The following MEF2C variants were observed in gnomAD, a reference collection of about 807,000 sequenced individuals.
The protein encoded by MEF2C is myocyte enhancer factor 2C, also known as myocyte-specific enhancer factor 2C.
A neutral mutation model predicts 50.5 loss-of-function variants in MEF2C; 6 were observed. The ratio of observed to expected loss-of-function variants is 0.12; its 90% CI spans 0.07 to 0.23. MEF2C has a LOEUF of 0.23. MEF2C is among the 10% of genes least tolerant of loss of function. The probability of loss-of-function intolerance (pLI) is 1.00; values close to 1 mark genes in which losing one functional copy is unlikely to be tolerated. For missense variants in MEF2C, 276 were observed against 605.0 expected (o/e 0.46, Z 5.70); for synonymous variants, 183 against 228.0 (o/e 0.80, Z 1.78).
At chr5:88,735,315 CA>C (rs2152333770) in intron 6 of MEF2C, 1 of 985,364 alleles carries the variant, frequency 1.0e-6, no homozygotes, top group African/African-American at 1.7e-5. Flanking sequence ...CACCACCTCT[CA>C]ACAACCTTCT....
rs75771070 is a variant in MEF2C at position 88,872,895 on chromosome 5, A to G, written c.-143+10060T>C. On this transcript the variant is annotated intron_variant, in intron 1 of 10. Transcript: ENST00000504921. The stretch of plus-strand genomic sequence containing the variant: ...ATGGACATGTTTGTCTAATAGCATA[A>G]TATGTAGAATCAAAGAAATGATATT... Among the ~76,000 whole-genome samples, 22 of 152,108 alleles carry G rather than the reference A, an allele frequency of 1.4e-4. No homozygotes were observed. In the East Asian group the frequency reaches 4.3e-3, roughly 29 times the overall value.
intron 3 of MEF2C, among the ~76,000 whole-genome samples, chr5:88,802,398 C>T (rs1365252511): frequency 2.0e-5 from 3 of 152,124 alleles, no homozygotes; most frequent in Non-Finnish European, 4.4e-5. Flanking sequence ...AAATATCCAC[C>T]TATCAAAAAA....
At chr5:88,734,135 G>A (rs1386924812) in intron 6 of MEF2C, 1 of 984,024 alleles carries the variant, frequency 1.0e-6, no homozygotes, top group Non-Finnish European at 1.2e-6. Context: ...AATCATTATT[G>A]TGAATATGTT....
rs35398049 is a variant in MEF2C, at chr5:88,762,583, A to ATT, written c.259-1257_259-1256dup. Among the ~76,000 whole-genome samples the ATT allele has an allele frequency of 3.5e-4, 53 of 151,244 alleles. No individual in the cohort carries two copies. In the South Asian group the frequency reaches 6.7e-3, roughly 19 times the overall value. ...CAACCTGGCCTGCTTTATTATTATT[A>ATT]TTTTTTTTTACTAACGGTTGTCAAC... On this transcript the variant is annotated intron_variant, in intron 3 of 10. Transcript: ENST00000504921.
intron 1 of MEF2C, among the ~76,000 whole-genome samples, chr5:88,843,140 C>A (rs1817964730): frequency 6.6e-6 from 1 of 150,932 alleles, no homozygotes; most frequent in Admixed American, 6.6e-5. Flanking sequence ...TAACGTTTTT[C>A]CTATCTCATT....
At chr5:88,738,665 T>C in intron 6 of MEF2C, 1 of 985,278 alleles carries the variant, frequency 1.0e-6, no homozygotes, top group Non-Finnish European at 1.2e-6. Flanking sequence ...CGAGTCTCAT[T>C]TGCAAATTAT....
intron 2 of MEF2C, among the ~76,000 whole-genome samples, chr5:88,820,230 T>C (rs1807611582): frequency 6.6e-6 from 1 of 151,960 alleles, no homozygotes; most frequent in African/African-American, 2.4e-5. Context: ...AAGAAAGAAA[T>C]AGTTTTTGTA....
At chr5:88,733,079 G>A (rs1167909063) in intron 6 of MEF2C, 20 of 985,100 alleles carry the variant, frequency 2.0e-5, no homozygotes, top group African/African-American at 3.5e-5. Flanking sequence ...ACAAGGCAGC[G>A]TAGGGTGAGG....
In MEF2C at chr5:88,903,022, A is replaced by G. The variant is rs1411276816; in HGVS notation, c.-240+894T>C. On this transcript the variant is annotated intron_variant, in intron 1 of 11. Coordinates refer to the MEF2C transcript ENST00000340208. ...AACAATTTGTAGAGAAATGCTGTGAAGCATAGTTAAAAGAATGAATCCCTG... is the reference window on the plus strand; with the variant it reads ...AACAATTTGTAGAGAAATGCTGTGAGGCATAGTTAAAAGAATGAATCCCTG... Among the ~76,000 whole-genome samples, 16 of 152,122 alleles carry G rather than the reference A, an allele frequency of 1.1e-4. No individual in the cohort carries two copies. The East Asian group carries it at 3.1e-3, about 29-fold the overall frequency.
chr5:88,777,694 T>TA (rs542158077), intron 3 of MEF2C, among the ~76,000 whole-genome samples: 1 of 152,158 alleles, frequency 6.6e-6, no homozygotes, highest in African/African-American at 2.4e-5. Flanking sequence ...CATTTTCTGA[T>TA]AAAAAATATT....
intron 1 of MEF2C, among the ~76,000 whole-genome samples, chr5:88,829,961 G>C (rs1051042148): frequency 6.6e-6 from 1 of 152,064 alleles, no homozygotes; most frequent in South Asian, 2.1e-4. Context: ...GATTGCTTCC[G>C]TTTGAAGGCA....
At chr5:88,742,997 T>C (rs1349019296) in intron 6 of MEF2C, 3 of 973,974 alleles carry the variant, frequency 3.1e-6, no homozygotes, top group Non-Finnish European at 2.4e-6. Flanking sequence ...TATTTACTTA[T>C]GTTTTGGGTG....
chr5:88,768,383 T>C lies in MEF2C; in HGVS notation c.259-7055A>G, dbSNP rs527387988. 2.5e-3 allele frequency among the ~76,000 whole-genome samples: 384 copies of C among 152,326 alleles called. 1 individual carries two copies. The highest frequency in any genetic ancestry group is 8.9e-3 in the African/African-American group (370 of 41,582). Reference sequence around the variant, plus strand: ...ACTTGACCAAGGCTGTCTGGCTGGCTGGAGGCAAAGGCTGTAGTAGGGTCC... The same window carrying C: ...ACTTGACCAAGGCTGTCTGGCTGGCCGGAGGCAAAGGCTGTAGTAGGGTCC... On this transcript the variant is annotated intron_variant, in intron 3 of 10. Transcript: ENST00000504921.
At chr5:88,891,563 C>T (rs1050226504) in intron 1 of MEF2C, among the ~76,000 whole-genome samples, 1 of 151,872 alleles carries the variant, frequency 6.6e-6, no homozygotes, top group African/African-American at 2.4e-5. Flanking sequence ...CCACCACGCC[C>T]AGCTAATATT....
chr5:88,879,750 T>C (rs1446289820), intron 1 of MEF2C, among the ~76,000 whole-genome samples: 1 of 152,144 alleles, frequency 6.6e-6, no homozygotes, highest in Non-Finnish European at 1.5e-5. Flanking sequence ...ACTTCACTAC[T>C]GAAAGCCTGT....
At chr5:88,760,352 T>C (rs1179385078) in intron 4 of MEF2C, among the ~76,000 whole-genome samples, 1 of 152,154 alleles carries the variant, frequency 6.6e-6, no homozygotes, top group Non-Finnish European at 1.5e-5. Flanking sequence ...GCATGGAAAA[T>C]GTTGGTGGCA....
intron 6 of MEF2C, chr5:88,742,658 C>T (rs915417309): frequency 2.0e-6 from 2 of 985,162 alleles, no homozygotes; most frequent in Admixed American, 1.2e-4. Context: ...AGAATGAAGT[C>T]AAACCAAAGG....
intron 6 of MEF2C, among the ~76,000 whole-genome samples, chr5:88,746,129 G>A (rs1040309888): frequency 6.6e-6 from 1 of 152,160 alleles, no homozygotes; most frequent in Non-Finnish European, 1.5e-5. Flanking sequence ...GAGAAGCCAT[G>A]GCTGGATTTT....
At chr5:88,738,134 G>C (rs1764888827) in intron 6 of MEF2C, 1 of 985,318 alleles carries the variant, frequency 1.0e-6, no homozygotes, top group Non-Finnish European at 1.2e-6. Flanking sequence ...AAATGTTTCT[G>C]TTAAGAGTTC....
Sources: gnomAD v4.1 joint callset for allele counts (sites outside exome capture counted in the v4.1 genomes callset) on GRCh38, gnomAD v4.1.1 for gene constraint, MANE v1.5 for transcripts, NCBI Gene and HGNC (gene_info 2026-07-23, HGNC 2026-07-21) for gene names.